EIF3D: variants seen among roughly 807,000 people sequenced by gnomAD.
EIF3D encodes the protein eIF3 p66.
In EIF3D, 10 loss-of-function variants were observed where a neutral mutation model predicts 75.4. The observed-to-expected ratio is 0.13, with a 90% confidence interval of 0.08 to 0.22. The LOEUF is 0.22. Among genes scored for constraint, EIF3D ranks in the 10% least tolerant of loss-of-function variants. The pLI, the probability that EIF3D is intolerant of heterozygous loss-of-function variation, is 1.00. For missense variants in EIF3D, 394 were observed against 708.0 expected (o/e 0.56, Z 5.03); for synonymous variants, 246 against 248.3 (o/e 0.99, Z 0.09).
At chr22:36,521,721 G>GT (rs1258041569) in intron 6 of EIF3D, among the ~76,000 whole-genome samples, 2 of 146,792 alleles carry the variant, frequency 1.4e-5, no homozygotes, top group Non-Finnish European at 3.0e-5. Flanking sequence ...GAGGTCAGGA[G>GT]TTTGAAACCA....
chr22:36,527,642 C>A (rs879123954), intron 1 of EIF3D, among the ~76,000 whole-genome samples: 1 of 152,270 alleles, frequency 6.6e-6, no homozygotes, highest in Middle Eastern at 3.4e-3. Flanking sequence ...AGTTCGAGAC[C>A]AGCCTGGTCA....
intron 1 of EIF3D, among the ~76,000 whole-genome samples, chr22:36,527,997 G>A (rs138821987): frequency 2.6e-5 from 4 of 152,224 alleles, no homozygotes; most frequent in African/African-American, 9.6e-5. Flanking sequence ...TATAGGAAGA[G>A]GACAGAAGAA....
chr22:36,524,767 C>A (rs758148044), intron 3 of EIF3D, 35 bp from the exon 4 acceptor site: 2 of 1,613,968 alleles, frequency 1.2e-6, no homozygotes, highest in Middle Eastern at 1.6e-4. Flanking sequence ...AGTAACTGCA[C>A]CCACAGACTT....
chr22:36,525,214 C>T (rs1448600119), intron 3 of EIF3D, among the ~76,000 whole-genome samples: 1 of 150,500 alleles, frequency 6.6e-6, no homozygotes, highest in Non-Finnish European at 1.5e-5. Flanking sequence ...TTTATGGTAC[C>T]AGGATCTTAA....
At chr22:36,526,900 T>C (rs1934613092) in intron 1 of EIF3D, 1 of 152,188 alleles carries the variant, frequency 6.6e-6, no homozygotes, top group Non-Finnish European at 1.5e-5. Context: ...CCTTAGTCTT[T>C]TCCATCTGCA....
At chr22:36,519,635 AAG>A (rs1164329277) in intron 7 of EIF3D, 98 bp from the exon 8 acceptor site, 2 of 1,525,820 alleles carry the variant, frequency 1.3e-6, no homozygotes, top group East Asian at 2.3e-5. Flanking sequence ...AAAAGTCTAA[AAG>A]AGGTGGAAAG....
intron 1 of EIF3D, 61 bp from the exon 2 acceptor site, chr22:36,526,192 C>A: frequency 6.8e-7 from 1 of 1,477,170 alleles, no homozygotes; most frequent in South Asian, 1.4e-5. Flanking sequence ...ACAAAACACC[C>A]TCCATATGAA....
At chr22:36,515,150 C>T (rs1448006061) in intron 12 of EIF3D, among the ~76,000 whole-genome samples, 2 of 152,224 alleles carry the variant, frequency 1.3e-5, no homozygotes, top group Non-Finnish European at 1.5e-5. Flanking sequence ...TCAGGCATTT[C>T]TTTACAGCAG....
At chr22:36,514,865 T>C (rs1934398542) in intron 12 of EIF3D, among the ~76,000 whole-genome samples, 1 of 152,202 alleles carries the variant, frequency 6.6e-6, no homozygotes, top group Non-Finnish European at 1.5e-5. Flanking sequence ...ACTCCAATGT[T>C]GGAGGAGGAG....
intron 8 of EIF3D, 88 bp downstream of exon 8, chr22:36,519,317 C>T: frequency 6.4e-7 from 1 of 1,564,386 alleles, no homozygotes; most frequent in Non-Finnish European, 8.7e-7. Flanking sequence ...ATACGTTATT[C>T]CCATGTCTTC....
intron 12 of EIF3D, chr22:36,516,076 G>C (rs1390044727): frequency 2.4e-5 from 4 of 165,758 alleles, no homozygotes; most frequent in Admixed American, 1.2e-4. Flanking sequence ...GTCAATGAAA[G>C]AAGAGGTCAA....
chr22:36,525,246 T>A (rs1015447130), intron 3 of EIF3D, among the ~76,000 whole-genome samples: 1 of 146,760 alleles, frequency 6.8e-6, no homozygotes, highest in African/African-American at 2.5e-5. Context: ...TTACTTTTTT[T>A]TTTTTTTTTT....
In EIF3D at chr22:36,515,459, T is replaced by C. The variant is rs561900306; in HGVS notation, c.1206+1019A>G. On this transcript the variant is annotated intron_variant, in intron 12 of 14. Transcript: ENST00000216190. Reference sequence around the variant, plus strand: ...AGGAGAATCGCTTGAGCCCGGGAGGTAGAGGTTGCAGTGAGCCGAGATCGC... The same window carrying C: ...AGGAGAATCGCTTGAGCCCGGGAGGCAGAGGTTGCAGTGAGCCGAGATCGC... Among the ~76,000 whole-genome samples, 48 of 151,602 alleles carry C rather than the reference T, an allele frequency of 3.2e-4. No homozygotes were observed. In the East Asian group the frequency reaches 8.9e-3, roughly 28 times the overall value.
At position 36,512,481 on chromosome 22, in the gene EIF3D, C is replaced by G; in HGVS notation, c.1328G>C (p.Gly443Ala). ...ARWTCCALLA[G>A]SEYLKLGYVS... ...TCACCCAAGCTTGAGGTACTCAGAT[C>G]CAGCCAGCAAAGCACAGCAGGTCCA... Residue 443 changes from glycine (G) to alanine (A), a missense_variant, in exon 13 of 15, where the codon GGA becomes GCA. Physicochemically the swap from Gly to Ala is moderately conservative, Grantham distance 60. Transcript: ENST00000216190. 1.9e-6 allele frequency: 3 copies of G among 1,614,228 alleles called. No homozygotes were observed. The highest frequency in any genetic ancestry group is 1.7e-6 in the Non-Finnish European group (2 of 1,180,028).
intron 12 of EIF3D, 90 bp from the exon 13 acceptor site, chr22:36,512,692 C>T: frequency 1.4e-6 from 2 of 1,470,216 alleles, no homozygotes; most frequent in Non-Finnish European, 9.1e-7. Context: ...ACTCCCTAGT[C>T]TGCTTGCTTA....
chr22:36,529,004 G>GC (rs998458040), intron 1 of EIF3D, 72 bp downstream of exon 1: 16 of 336,880 alleles, frequency 4.7e-5, no homozygotes, highest in African/African-American at 2.5e-4. Flanking sequence ...CTTCCGGGAG[G>GC]CCCCCCGAAG....
intron 3 of EIF3D, 60 bp downstream of exon 3, chr22:36,525,604 A>G (rs755854472): frequency 1.8e-5 from 28 of 1,564,836 alleles, no homozygotes; most frequent in Non-Finnish European, 2.3e-5. Context: ...GAAGGTCATT[A>G]GAATAAAGAA....
intron 1 of EIF3D, chr22:36,526,761 GT>G (rs1310184134): frequency 6.6e-6 from 1 of 152,130 alleles, no homozygotes; most frequent in Non-Finnish European, 1.5e-5. Flanking sequence ...GCTATTTTCT[GT>G]GTTTTTAGTG....
At chr22:36,524,046 G>C in intron 4 of EIF3D, 66 bp from the exon 5 acceptor site, 1 of 1,512,892 alleles carries the variant, frequency 6.6e-7, no homozygotes, top group Non-Finnish European at 9.2e-7. Flanking sequence ...GGCAGAACAA[G>C]TGGGAGGTCT....
Sources: allele counts gnomAD v4.1 joint callset (sites outside exome capture counted in the v4.1 genomes callset), GRCh38; gene constraint gnomAD v4.1.1; transcripts MANE v1.5; gene names NCBI Gene and HGNC (gene_info 2026-07-23, HGNC 2026-07-21).